PPP1R9B: variants seen among roughly 807,000 people sequenced by gnomAD.
The protein encoded by PPP1R9B is protein phosphatase 1 regulatory subunit 9B.
In PPP1R9B, 17 loss-of-function variants were observed where a neutral mutation model predicts 75.8. The observed-to-expected ratio is 0.22, with a 90% CI of 0.15 to 0.34. The LOEUF (loss-of-function observed/expected upper bound fraction) is 0.34. Ranked by LOEUF, PPP1R9B falls within the 10% of genes least tolerant of loss-of-function variation. The pLI is 1.00. For missense variants in PPP1R9B, 875 were observed against 1,196.0 expected (o/e 0.73, Z 3.96); for synonymous variants, 509 against 535.4 (o/e 0.95, Z 0.68).
Position 50,149,878 on chromosome 17 carries a change from G to A in PPP1R9B, c.636C>T (p.Ser212=). The A allele has an allele frequency of 6.7e-7, 1 of 1,500,426 alleles. No homozygotes were observed. Among genetic ancestry groups the A allele is most frequent in the Non-Finnish European group, 8.8e-7 (1 of 1,131,922 alleles). 92.9% of individuals were successfully genotyped at this position (1,500,426 alleles called of 1,614,324 possible). A position where few individuals can be genotyped will look rare whatever the true frequency, so the allele number is the denominator to read the frequency against. ...TCGAGTCGGCCTTCTCGAAGACGGC[G>A]CTGAGCTGGCTGACCGTGGGGGACA... ...DAVSPTVSQL[S]AVFEKADSRT... The change falls in exon 1 of 10, where the codon AGC becomes AGT. Residue 212 remains serine (S), a synonymous_variant. Transcript: ENST00000612501. This position sits in a 1 kb window ranked among gnomAD's most constrained non-coding sequence, Gnocchi z 7.2.
Position 50,139,075 on chromosome 17 carries a change from T to C in PPP1R9B, c.2073+188A>G, listed in dbSNP as rs571592058. Among the ~76,000 whole-genome samples, 1 of 152,378 alleles carries C rather than the reference T, an allele frequency of 6.6e-6. No homozygotes were observed. Among genetic ancestry groups the C allele is most frequent in the East Asian group, 1.9e-4 (1 of 5,188 alleles). Reference sequence around the variant, plus strand: ...GGCTGAGGCACAGAGAAGCAAGTGATGCTGGAGCAGATGGATCCAGAGCTT... The same window carrying C: ...GGCTGAGGCACAGAGAAGCAAGTGACGCTGGAGCAGATGGATCCAGAGCTT... On this transcript the variant is annotated intron_variant, in intron 7 of 9. Transcript: ENST00000612501. The surrounding 1 kb of genome is among the most constrained non-coding windows in gnomAD (Gnocchi z 5.0).
Position 50,139,488 on chromosome 17 carries a change from C to T in PPP1R9B, c.1960G>A (p.Glu654Lys), listed in dbSNP as rs540772325. 5 of 1,603,598 alleles carry T rather than the reference C, an allele frequency of 3.1e-6. No individual in the cohort carries two copies. Among genetic ancestry groups the T allele is most frequent in the South Asian group, 2.2e-5 (2 of 89,796 alleles). The change falls in exon 6 of 10, where the codon GAG becomes AAG. Residue 654 changes from glutamate to lysine, a missense_variant. Transcript: ENST00000612501. The surrounding 1 kb of genome is among the most constrained non-coding windows in gnomAD (Gnocchi z 5.0). The part of the protein sequence containing the change: ...AIEVFELAEN[E>K]DALSPVDMEP... ...ATGTCCACAGGGGACAGTGCATCCTCGTTCTCCGCTAGCTCAAACACCTCG... is the reference window on the plus strand; with the variant it reads ...ATGTCCACAGGGGACAGTGCATCCTTGTTCTCCGCTAGCTCAAACACCTCG...
intron 1 of PPP1R9B, among the ~76,000 whole-genome samples, chr17:50,145,736 G>C (rs564940782): frequency 6.6e-6 from 1 of 151,874 alleles, no homozygotes; most frequent in Non-Finnish European, 1.5e-5. Flanking sequence ...TGGGGAGAGA[G>C]GGGGGAGCGG....
chr17:50,149,812 T>C lies in PPP1R9B; in HGVS notation c.702A>G (p.Ala234=). Residue 234 remains alanine (A), a synonymous_variant, in exon 1 of 10, where the codon GCA becomes GCG. Transcript: ENST00000612501. This position sits in a 1 kb window ranked among gnomAD's most constrained non-coding sequence, Gnocchi z 7.2. ...LHRGPGLPRA[A]GVPQVNSKLV... ...GCTTCGAGTTGACCTGGGGAACCCC[T>C]GCGGCCCTGGGGAGCCCGGGCCCGC... 1 of 1,430,010 alleles carries C rather than the reference T, an allele frequency of 7.0e-7. No individual in the cohort carries two copies. The highest frequency in any genetic ancestry group is 9.1e-7 in the Non-Finnish European group (1 of 1,098,154). 88.6% of individuals were successfully genotyped at this position (1,430,010 alleles called of 1,614,324 possible).
In PPP1R9B at chr17:50,145,098, C is replaced by T. The variant is rs750736427; in HGVS notation, c.1504+15G>A. 6.2e-7 allele frequency: 1 copy of T among 1,613,354 alleles called. No individual in the cohort carries two copies. Among genetic ancestry groups the T allele is most frequent in the South Asian group, 1.1e-5 (1 of 91,076 alleles). On this transcript the variant is annotated intron_variant, in intron 2 of 9. Coordinates refer to ENST00000612501, the MANE Select transcript of PPP1R9B (RefSeq NM_032595.5). ...CCCAGCTGTGCGCAAGTGACGTGGC[C>T]TCCTGGCCTCTCACCCTTCTCCAGC...
chr17:50,149,131 G>A lies in PPP1R9B; in HGVS notation c.1371+12C>T. 1.4e-6 allele frequency: 2 copies of A among 1,427,180 alleles called. No individual in the cohort carries two copies. Among genetic ancestry groups the A allele is most frequent in the Non-Finnish European group, 1.8e-6 (2 of 1,087,486 alleles). 88.4% of individuals were successfully genotyped at this position (1,427,180 alleles called of 1,614,324 possible). The stretch of plus-strand genomic sequence containing the variant: ...GGGGCGGCGCGGGGGCAGGGCGGGG[G>A]GGCTCACTTACTTGGATGGGCGCCG... On this transcript the variant is annotated intron_variant, in intron 1 of 9. Transcript: ENST00000612501. The surrounding 1 kb of genome is among the most constrained non-coding windows in gnomAD (Gnocchi z 7.2).
rs1448845973 is a variant in PPP1R9B, at chr17:50,134,814, C to T, written c.*517G>A. On this transcript the variant is annotated 3_prime_UTR_variant, in exon 10 of 10. Coordinates refer to ENST00000612501, the MANE Select transcript of PPP1R9B (RefSeq NM_032595.5). The stretch of plus-strand genomic sequence containing the variant: ...AGGTGTTGAGGCAACGCCCCCACCC[C>T]CCAGGCGGGAGGGTCAGAATGCAAC... The T allele has an allele frequency of 6.1e-6, 1 of 162,866 alleles. No individual in the cohort carries two copies. The highest frequency in any genetic ancestry group is 1.3e-5 in the Non-Finnish European group (1 of 74,244). The allele number at this position is 162,866 out of a possible 1,614,324, so 10.1% of individuals were successfully genotyped here.
rs776862860 is a variant in PPP1R9B, at chr17:50,150,057, G to A, written c.457C>T (p.Arg153Trp). 5.5e-6 allele frequency: 8 copies of A among 1,459,948 alleles called. No individual in the cohort carries two copies. The highest frequency in any genetic ancestry group is 3.0e-5 in the East Asian group (1 of 33,444). 90.4% of individuals were successfully genotyped at this position (1,459,948 alleles called of 1,614,324 possible). The change falls in exon 1 of 10, where the codon CGG (arginine) becomes TGG (tryptophan). Residue 153 changes from arginine (R) to tryptophan (W), a missense_variant. Physicochemically the swap from Arg to Trp is moderately radical, Grantham distance 101. Around this residue, in one of 4 missense-constraint regions of PPP1R9B, gnomAD observed 449 missense variants for 475.0 expected, o/e 0.95. Coordinates refer to ENST00000612501, the MANE Select transcript of PPP1R9B (RefSeq NM_032595.5). This position sits in a 1 kb window ranked among gnomAD's most constrained non-coding sequence, Gnocchi z 8.7. ...RLQETRKLFE[R>W]SAPAAAGGDK... Reference sequence around the variant, plus strand: ...CCGCCTGCGGCCGCTGGGGCGCTCCGTTCGAACAGCTTCCGCGTCTCCTGC... The same window carrying A: ...CCGCCTGCGGCCGCTGGGGCGCTCCATTCGAACAGCTTCCGCGTCTCCTGC...
Position 50,149,355 on chromosome 17 carries a change from A to G in PPP1R9B, c.1159T>C (p.Phe387Leu). 3 of 1,612,828 alleles carry G rather than the reference A, an allele frequency of 1.9e-6. No individual in the cohort carries two copies. The highest frequency in any genetic ancestry group is 1.7e-6 in the Non-Finnish European group (2 of 1,179,622). ...EEVDESKKED[F>L]SEADLVDVSA... ...ACGTCCACCAAGTCCGCCTCCGAGAAGTCCTCCTTCTTGGATTCATCTACC... is the reference window on the plus strand; with the variant it reads ...ACGTCCACCAAGTCCGCCTCCGAGAGGTCCTCCTTCTTGGATTCATCTACC... Residue 387 changes from phenylalanine to leucine, a missense_variant, in exon 1 of 10, where the codon TTC becomes CTC. By Grantham distance (22) the Phe-to-Leu change is conservative. Transcript: ENST00000612501. The surrounding 1 kb of genome is among the most constrained non-coding windows in gnomAD (Gnocchi z 7.2).
In PPP1R9B at chr17:50,136,264, A is replaced by G. The variant is rs141377027; in HGVS notation, c.2074-67T>C. ...AGGAGCCAAAGGGTACCCCCATCCTAGCACTGGGGCCAGAGTCGCCAGGGG... is the reference window on the plus strand; with the variant it reads ...AGGAGCCAAAGGGTACCCCCATCCTGGCACTGGGGCCAGAGTCGCCAGGGG... On this transcript the variant is annotated intron_variant, in intron 7 of 9. Coordinates refer to ENST00000612501, the MANE Select transcript of PPP1R9B (RefSeq NM_032595.5). 41 of 1,369,430 alleles carry G rather than the reference A, an allele frequency of 3.0e-5. No individual in the cohort carries two copies. In the East Asian group the frequency reaches 9.0e-4, roughly 30 times the overall value. 84.8% of individuals were successfully genotyped at this position (1,369,430 alleles called of 1,614,324 possible).
rs1329451328 is a variant in PPP1R9B, at chr17:50,149,136, C to T, written c.1371+7G>A. On this transcript the variant is annotated splice_region_variant and intron_variant, in intron 1 of 9. Transcript: ENST00000612501. The surrounding 1 kb of genome is among the most constrained non-coding windows in gnomAD (Gnocchi z 7.2). ...GGCGCGGGGGCAGGGCGGGGGGGCT[C>T]ACTTACTTGGATGGGCGCCGTGCTG... The T allele has an allele frequency of 1.0e-5, 15 of 1,443,714 alleles. No individual in the cohort carries two copies. The highest frequency in any genetic ancestry group is 1.5e-5 in the African/African-American group (1 of 68,592). The allele number at this position is 1,443,714 out of a possible 1,614,324, so 89.4% of individuals were successfully genotyped here.
Position 50,150,239 on chromosome 17 carries a change from C to G in PPP1R9B, c.275G>C (p.Arg92Pro). 6.9e-7 allele frequency: 1 copy of G among 1,439,088 alleles called. No homozygotes were observed. The highest frequency in any genetic ancestry group is 9.2e-7 in the Non-Finnish European group (1 of 1,089,518). The allele number at this position is 1,439,088 out of a possible 1,614,324, so 89.1% of individuals were successfully genotyped here. ...EAPRASERGV[R>P]LSLPRASSLN... ...GCTGCTGGCCCGCGGCAGCGACAGGCGCACGCCGCGCTCGGACGCCCGTGG... is the reference window on the plus strand; with the variant it reads ...GCTGCTGGCCCGCGGCAGCGACAGGGGCACGCCGCGCTCGGACGCCCGTGG... Residue 92 changes from arginine to proline, a missense_variant, in exon 1 of 10, where the codon CGC (arginine) becomes CCC (proline). This residue lies in a region of PPP1R9B where 145 missense variants were observed against 226.1 expected (regional missense o/e 0.64). Transcript: ENST00000612501. This position sits in a 1 kb window ranked among gnomAD's most constrained non-coding sequence, Gnocchi z 8.7.
At chr17:50,140,286 C>T in intron 4 of PPP1R9B, 58 bp from the exon 5 acceptor site, 8 of 1,539,688 alleles carry the variant, frequency 5.2e-6, no homozygotes, top group Non-Finnish European at 7.0e-6. Context: ...ATGCATCATC[C>T]TCCCTGCTGA....
intron 1 of PPP1R9B, among the ~76,000 whole-genome samples, chr17:50,146,666 C>A (rs1912525078): frequency 6.6e-6 from 1 of 152,210 alleles, no homozygotes; most frequent in South Asian, 2.1e-4. Context: ...AATTTCACAG[C>A]ATCAGAGAAA....
At chr17:50,140,055 G>C in intron 5 of PPP1R9B, 38 bp downstream of exon 5, 2 of 1,607,414 alleles carry the variant, frequency 1.2e-6, no homozygotes, top group Non-Finnish European at 8.5e-7. Context: ...TAGCCACCAG[G>C]GGGCGACCAC....
chr17:50,149,331 C>A lies in PPP1R9B; in HGVS notation c.1183G>T (p.Val395Leu), dbSNP rs1401393172. 1.2e-6 allele frequency: 2 copies of A among 1,613,518 alleles called. No homozygotes were observed. Among genetic ancestry groups the A allele is most frequent in the Non-Finnish European group, 1.7e-6 (2 of 1,179,800 alleles). Reference protein sequence around the residue: ...EDFSEADLVDVSAYSGLGEDS... With the variant: ...EDFSEADLVDLSAYSGLGEDS... ...TCCCCGAGCCCACTGTAGGCGCTCA[C>A]GTCCACCAAGTCCGCCTCCGAGAAG... The change falls in exon 1 of 10, where the codon GTG (valine) becomes TTG (leucine). Residue 395 changes from valine (V) to leucine (L), a missense_variant. This residue lies in a region of PPP1R9B where 449 missense variants were observed against 475.0 expected (regional missense o/e 0.95). Transcript: ENST00000612501. The surrounding 1 kb of genome is among the most constrained non-coding windows in gnomAD (Gnocchi z 7.2).
At chr17:50,147,851 G>A (rs1912554452) in intron 1 of PPP1R9B, among the ~76,000 whole-genome samples, 1 of 152,152 alleles carries the variant, frequency 6.6e-6, no homozygotes, top group Non-Finnish European at 1.5e-5. Context: ...TGGGAGGTGG[G>A]AGAGGGGCAG....
In PPP1R9B at chr17:50,149,928, G is replaced by A. The variant is rs111354487; in HGVS notation, c.586C>T (p.Leu196=). 0.038 allele frequency: 57,456 copies of A among 1,511,266 alleles called. 1,315 individuals carry two copies. Among genetic ancestry groups the A allele is most frequent in the Middle Eastern group, 0.068 (397 of 5,834 alleles). 93.6% of individuals were successfully genotyped at this position (1,511,266 alleles called of 1,614,324 possible). The change falls in exon 1 of 10, where the codon CTG becomes TTG. Residue 196 remains leucine (L), a synonymous_variant. Transcript: ENST00000612501. The surrounding 1 kb of genome is among the most constrained non-coding windows in gnomAD (Gnocchi z 7.2). ...ACGGCGTCAGCGTCCAGCTTGTCCA[G>A]CGCCTCGGTGCTGCCGTTGAAGCGC... ...VVRFNGSTEA[L]DKLDADAVSP... is the part of the protein sequence containing the mutation.
Position 50,135,071 on chromosome 17 carries a change from G to C in PPP1R9B, c.*260C>G. ...TCGACCACCAGGCCAGCCCTCGGCA[G>C]CCCTCGGCCTCTGTGCCTCAGCCCC... On this transcript the variant is annotated 3_prime_UTR_variant, in exon 10 of 10. Coordinates refer to ENST00000612501, the MANE Select transcript of PPP1R9B (RefSeq NM_032595.5). 1.8e-6 allele frequency: 1 copy of C among 551,224 alleles called. No homozygotes were observed. The highest frequency in any genetic ancestry group is 3.3e-6 in the Non-Finnish European group (1 of 305,978). The allele number at this position is 551,224 out of a possible 1,614,324, so 34.1% of individuals were successfully genotyped here.
Sources: allele counts gnomAD v4.1 joint callset (sites outside exome capture counted in the v4.1 genomes callset), GRCh38; gene constraint gnomAD v4.1.1; regional missense constraint gnomAD v4.1.1; non-coding constraint Gnocchi (gnomAD v3.1); transcripts MANE v1.5; gene names NCBI Gene and HGNC (gene_info 2026-07-23, HGNC 2026-07-21).